Variants in DSCAML1 observed in about 807,000 individuals in gnomAD.
DSCAML1 encodes DS cell adhesion molecule like 1.
In DSCAML1, 38 loss-of-function variants were observed where a neutral mutation model predicts 200.5. The ratio of observed to expected loss-of-function variants is 0.19; its 90% CI spans 0.15 to 0.25. DSCAML1 has a LOEUF of 0.25. Among genes scored for constraint, DSCAML1 ranks in the 10% least tolerant of loss-of-function variants. DSCAML1 has a pLI of 1.00. For missense variants in DSCAML1, 2,223 were observed against 2,858.8 expected (o/e 0.78, Z 5.07); for synonymous variants, 1,215 against 1,165.0 (o/e 1.04, Z -0.87).
At chr11:117,564,758 T>TC (rs2050726850) in intron 3 of DSCAML1, among the ~76,000 whole-genome samples, 16 of 126,974 alleles carry the variant, frequency 1.3e-4, no homozygotes, top group Admixed American at 1.2e-3. Flanking sequence ...TCTCTCTCTC[T>TC]TTCTTTCTTT....
At chr11:117,597,919 G>GA (rs58659353) in intron 3 of DSCAML1, among the ~76,000 whole-genome samples, 25 of 150,170 alleles carry the variant, frequency 1.7e-4, no homozygotes, top group Admixed American at 4.6e-4. Context: ...AAGAAAAAAA[G>GA]AAAAAAAAAA....
chr11:117,455,874 T>C (rs1263972029), intron 19 of DSCAML1, among the ~76,000 whole-genome samples: 1 of 152,176 alleles, frequency 6.6e-6, no homozygotes, highest in Non-Finnish European at 1.5e-5. Flanking sequence ...AGTTGACTGC[T>C]ACCCTCTGCC....
intron 1 of DSCAML1, among the ~76,000 whole-genome samples, chr11:117,803,478 CTTTT>C (rs146547411): frequency 0.037 from 5,594 of 151,982 alleles, 280 homozygotes; most frequent in African/African-American, 0.11. Context: ...GTTGCAATTT[CTTTT>C]TATCTTTCTA....
intron 3 of DSCAML1, among the ~76,000 whole-genome samples, chr11:117,711,465 C>A (rs1211965397): frequency 6.6e-6 from 1 of 152,174 alleles, no homozygotes; most frequent in Non-Finnish European, 1.5e-5. Flanking sequence ...GGTGAAGGTT[C>A]AGGGCAGTTT....
chr11:117,759,196 C>T (rs2054753772), intron 3 of DSCAML1, among the ~76,000 whole-genome samples: 1 of 152,136 alleles, frequency 6.6e-6, no homozygotes, highest in African/African-American at 2.4e-5. Flanking sequence ...AAGAAATACC[C>T]AGGGCATTAG....
chr11:117,449,765 C>G (rs1000865278), intron 20 of DSCAML1, among the ~76,000 whole-genome samples: 2 of 152,222 alleles, frequency 1.3e-5, no homozygotes, highest in African/African-American at 4.8e-5. Context: ...GCTCCCGTAC[C>G]TAGAACAGGC....
intron 11 of DSCAML1, among the ~76,000 whole-genome samples, chr11:117,493,322 T>TG (rs1491265964): frequency 3.8e-3 from 187 of 49,080 alleles, no homozygotes; most frequent in African/African-American, 0.016. Flanking sequence ...GGTCCTCTTC[T>TG]TTTTTTTTTT....
In DSCAML1 at chr11:117,518,631, C is replaced by T. The variant is rs777936134; in HGVS notation, c.1345G>A (p.Val449Met). 6 of 1,613,478 alleles carry T rather than the reference C, an allele frequency of 3.7e-6. No individual in the cohort carries two copies. The Admixed American group carries it at 5.0e-5, about 13-fold the overall frequency. The stretch of plus-strand genomic sequence containing the variant: ...TTGGTGCGGTGGCTGCCATCCCGCA[C>T]GATGGGCTCATCGTCGAGGGCCCAG... ...VTWALDDEPI[V>M]RDGSHRTNQY... Residue 449 changes from valine to methionine, a missense_variant, in exon 7 of 33, where the codon GTG becomes ATG. Coordinates refer to ENST00000651296, the MANE Select transcript of DSCAML1 (RefSeq NM_020693.4). This position sits in a 1 kb window ranked among gnomAD's most constrained non-coding sequence, Gnocchi z 6.3.
intron 3 of DSCAML1, among the ~76,000 whole-genome samples, chr11:117,735,857 A>C (rs1268948805): frequency 1.3e-5 from 2 of 152,238 alleles, no homozygotes; most frequent in Non-Finnish European, 2.9e-5. Context: ...CAACAGATAC[A>C]TTTGCATCAG....
chr11:117,652,326 A>C (rs1445758408), intron 3 of DSCAML1, among the ~76,000 whole-genome samples: 1 of 152,230 alleles, frequency 6.6e-6, no homozygotes, highest in East Asian at 1.9e-4. Flanking sequence ...GCTGCCATGC[A>C]TATTATCCCC....
Position 117,505,539 on chromosome 11 carries a change from G to A in DSCAML1, c.1977C>T (p.Val659=). 1 of 1,613,576 alleles carries A rather than the reference G, an allele frequency of 6.2e-7. No individual in the cohort carries two copies. The highest frequency in any genetic ancestry group is 8.5e-7 in the Non-Finnish European group (1 of 1,180,030). ...TATAGTTGCCGTTGTGCTTGAGGGA[G>A]ACGCTAGAGATCTGCAGGGAGCTCA... ...EFMSSLQISS[V]SLKHNGNYTC... is the part of the protein sequence containing the mutation. Residue 659 remains valine (V), a synonymous_variant, in exon 9 of 33, where the codon GTC becomes GTT. Transcript: ENST00000651296. This position sits in a 1 kb window ranked among gnomAD's most constrained non-coding sequence, Gnocchi z 6.7.
intron 3 of DSCAML1, among the ~76,000 whole-genome samples, chr11:117,595,451 A>G (rs1486360362): frequency 6.6e-6 from 1 of 152,204 alleles, no homozygotes; most frequent in Admixed American, 6.5e-5. Flanking sequence ...GCAGTTTTAT[A>G]TGCTTTTTTC....
At chr11:117,778,624 T>C (rs1305743629) in intron 2 of DSCAML1, among the ~76,000 whole-genome samples, 2 of 152,278 alleles carry the variant, frequency 1.3e-5, no homozygotes, top group African/African-American at 4.8e-5. Context: ...TAACTGGCTA[T>C]GTGCCCTTGG....
At chr11:117,728,922 A>G (rs2054176147) in intron 3 of DSCAML1, among the ~76,000 whole-genome samples, 1 of 152,200 alleles carries the variant, frequency 6.6e-6, no homozygotes, top group South Asian at 2.1e-4. Context: ...GCTGATCTTT[A>G]AAAAAGTGTG....
chr11:117,774,280 C>G (rs886694892), intron 3 of DSCAML1, among the ~76,000 whole-genome samples: 1 of 152,146 alleles, frequency 6.6e-6, no homozygotes, highest in Admixed American at 6.5e-5. Context: ...GAGAACAATC[C>G]AGTTCCGGCC....
At chr11:117,568,432 T>C (rs2050792218) in intron 3 of DSCAML1, among the ~76,000 whole-genome samples, 1 of 152,224 alleles carries the variant, frequency 6.6e-6, no homozygotes, top group East Asian at 1.9e-4. Flanking sequence ...GGAAGTCAAA[T>C]TGTCCCTGTT....
At chr11:117,810,577 CCTT>C (rs1271403389) in intron 1 of DSCAML1, among the ~76,000 whole-genome samples, 9 of 152,266 alleles carry the variant, frequency 5.9e-5, no homozygotes, top group Admixed American at 4.6e-4. Flanking sequence ...TTCCATTCCT[CCTT>C]CTTCTCCCTT....
intron 3 of DSCAML1, among the ~76,000 whole-genome samples, chr11:117,612,698 C>T (rs985490346): frequency 6.6e-6 from 1 of 152,210 alleles, no homozygotes; most frequent in African/African-American, 2.4e-5. Context: ...CCTGCAGAAG[C>T]CTGGTGTGCC....
chr11:117,558,170 C>A (rs961100152), intron 3 of DSCAML1, among the ~76,000 whole-genome samples: 1 of 152,008 alleles, frequency 6.6e-6, no homozygotes, highest in Non-Finnish European at 1.5e-5. Context: ...ATAGAGGCAA[C>A]AAAAGAAGCA....
Sources: allele counts gnomAD v4.1 joint callset (sites outside exome capture counted in the v4.1 genomes callset), GRCh38; gene constraint gnomAD v4.1.1; non-coding constraint Gnocchi (gnomAD v3.1); transcripts MANE v1.5; gene names NCBI Gene and HGNC (gene_info 2026-07-23, HGNC 2026-07-21).